Variants in ATP7A observed in about 807,000 individuals in gnomAD.
ATP7A encodes copper-transporting ATPase 1.
Under a neutral mutation model 83.5 loss-of-function variants are expected in ATP7A, and 7 were observed. That is an observed-to-expected ratio of 0.08 (90% CI 0.05 to 0.16). The LOEUF (loss-of-function observed/expected upper bound fraction) is 0.16, where lower values mean the gene tolerates loss of function less well. ATP7A is among the 10% of genes least tolerant of loss of function. The probability of loss-of-function intolerance (pLI) is 1.00; values close to 1 mark genes in which losing one functional copy is unlikely to be tolerated. For synonymous variants in ATP7A, 354 were observed against 395.2 expected, an observed-to-expected ratio of 0.90 and a Z score of 1.24; for missense variants, 940 against 1,120.8, an observed-to-expected ratio of 0.84 and a Z score of 2.30.
Position 77,988,552 on chromosome X carries a change from C to T in ATP7A, c.431C>T (p.Pro144Leu). 8.3e-7 allele frequency: 1 copy of T among 1,211,335 alleles called. No individual in the cohort carries two copies. Among genetic ancestry groups the T allele is most frequent in the East Asian group, 3.0e-5 (1 of 33,831 alleles). The change falls in exon 3 of 23, where the codon CCA (proline) becomes CTA (leucine). Residue 144 changes from proline to leucine, a missense_variant. Transcript: ENST00000341514. ...VNANQIKELV[P>L]ELSLDTGTLE... is the part of the protein sequence containing the mutation. ...GCCAATCAGATAAAAGAGCTGGTTCCAGAACTCAGTTTAGATACTGGGACA... is the reference window on the plus strand; with the variant it reads ...GCCAATCAGATAAAAGAGCTGGTTCTAGAACTCAGTTTAGATACTGGGACA...
At position 78,011,165 on chromosome X, in the gene ATP7A, A is replaced by G; in HGVS notation, c.1870-11A>G. 1.7e-6 allele frequency: 2 copies of G among 1,201,652 alleles called. No individual in the cohort carries two copies. The highest frequency in any genetic ancestry group is 2.3e-6 in the Non-Finnish European group (2 of 886,769). On this transcript the variant is annotated splice_polypyrimidine_tract_variant and intron_variant, in intron 7 of 22. Transcript: ENST00000341514. ...TCAGTGAAATAATTTTTTTCTCATG[A>G]ATTTCCTTAGAGCTTAGGTTTTGAA...
intron 1 of ATP7A, among the ~76,000 whole-genome samples, chrX:77,926,128 T>C (rs2077240059): frequency 9.0e-6 from 1 of 110,958 alleles, no homozygotes. Context: ...GTATCTTTCA[T>C]TGAGTATCAT....
rs2078103766 is a variant in ATP7A, at chrX:78,049,858, A to G, written c.*3288A>G. On this transcript the variant is annotated 3_prime_UTR_variant, in exon 23 of 23. Coordinates refer to ENST00000341514, the MANE Select transcript of ATP7A (RefSeq NM_000052.7). Reference sequence around the variant, plus strand: ...TCATGCTTTAAAATGATTTTTCTTGATATTTATTTTACTCCATTTTGTTTT... The same window carrying G: ...TCATGCTTTAAAATGATTTTTCTTGGTATTTATTTTACTCCATTTTGTTTT... The G allele has an allele frequency of 9.0e-6, 1 of 111,409 alleles. No individual in the cohort carries two copies. The highest frequency in any genetic ancestry group is 1.9e-5 in the Non-Finnish European group (1 of 52,918). The allele number at this position is 111,409 out of a possible 1,213,427, so 9.2% of individuals were successfully genotyped here.
intron 2 of ATP7A, among the ~76,000 whole-genome samples, chrX:77,972,153 G>C (rs1557229748): frequency 9.0e-6 from 1 of 110,864 alleles, no homozygotes; most frequent in Non-Finnish European, 1.9e-5. Context: ...AAAACTTGAA[G>C]GGAAAATGTC....
intron 2 of ATP7A, among the ~76,000 whole-genome samples, chrX:77,972,214 C>T (rs975505491): frequency 2.2e-4 from 24 of 110,491 alleles, no homozygotes; most frequent in African/African-American, 7.9e-4. Context: ...TTTTTTCAGA[C>T]AGGGTCTTGC....
At chrX:77,968,948 G>A (rs1310064792) in intron 1 of ATP7A, 1 of 1,208,944 alleles carries the variant, frequency 8.3e-7, no homozygotes, top group Non-Finnish European at 1.1e-6. Flanking sequence ...CCCAGAAACT[G>A]CATGGGCTTG....
chrX:77,939,117 A>C (rs1447225116), intron 1 of ATP7A, among the ~76,000 whole-genome samples: 1 of 111,093 alleles, frequency 9.0e-6, no homozygotes, highest in African/African-American at 3.3e-5. Context: ...CCAACATGGC[A>C]AAACCCTGTC....
At chrX:77,911,418 C>T (rs782128355) in intron 1 of ATP7A, among the ~76,000 whole-genome samples, 5 of 111,688 alleles carry the variant, frequency 4.5e-5, no homozygotes, top group African/African-American at 1.3e-4. Flanking sequence ...TTATCTTAAG[C>T]ACAAACACTT....
At chrX:77,915,778 T>C (rs1432191079) in intron 1 of ATP7A, among the ~76,000 whole-genome samples, 5 of 112,130 alleles carry the variant, frequency 4.5e-5, no homozygotes, top group Admixed American at 3.8e-4. Context: ...GGAGTTGCAA[T>C]GGCACGATCT....
intron 1 of ATP7A, among the ~76,000 whole-genome samples, chrX:77,946,299 C>CAAAA (rs782508466): frequency 2.0e-5 from 1 of 49,298 alleles, no homozygotes. Context: ...GACTCTGTCT[C>CAAAA]AAAAAAAAAA....
At chrX:78,031,947 C>T (rs2077986242) in intron 16 of ATP7A, among the ~76,000 whole-genome samples, 1 of 111,882 alleles carries the variant, frequency 8.9e-6, no homozygotes, top group Non-Finnish European at 1.9e-5. Context: ...AACTGTTAAC[C>T]TATTAACAGT....
intron 2 of ATP7A, among the ~76,000 whole-genome samples, chrX:77,972,773 A>G (rs1460546861): frequency 2.7e-5 from 3 of 111,061 alleles, no homozygotes; most frequent in Non-Finnish European, 5.7e-5. Flanking sequence ...GAGTGCGGGG[A>G]TTACAGGTGT....
intron 1 of ATP7A, among the ~76,000 whole-genome samples, chrX:77,960,967 T>C (rs782593158): frequency 9.0e-5 from 10 of 111,700 alleles, no homozygotes; most frequent in Non-Finnish European, 1.7e-4. Context: ...AGATTTAAAA[T>C]GAAAACGATG....
At chrX:77,928,904 C>T (rs944514969) in intron 1 of ATP7A, among the ~76,000 whole-genome samples, 1 of 111,500 alleles carries the variant, frequency 9.0e-6, no homozygotes, top group Admixed American at 9.6e-5. Flanking sequence ...ACCCCTGCCC[C>T]CTAGTCATCA....
chrX:77,932,904 G>A (rs2077297360), intron 1 of ATP7A, among the ~76,000 whole-genome samples: 1 of 109,722 alleles, frequency 9.1e-6, no homozygotes, highest in South Asian at 3.9e-4. Flanking sequence ...GGAAAGAGAG[G>A]GAGAGGGGGA....
rs781874593 is a variant in ATP7A at position 77,998,615 on chromosome X, A to G, written c.1474A>G (p.Ile492Val). The G allele has an allele frequency of 6.6e-6, 8 of 1,210,568 alleles. No individual in the cohort carries two copies. Among genetic ancestry groups the G allele is most frequent in the Admixed American group, 4.4e-5 (2 of 45,740 alleles). The change falls in exon 5 of 23, where the codon ATA becomes GTA. Residue 492 changes from isoleucine (I) to valine (V), a missense_variant. Ile to Val is a conservative substitution (Grantham distance 29). This residue lies in a region of ATP7A where 350 missense variants were observed against 432.8 expected (regional missense o/e 0.81). Transcript: ENST00000341514. ...EEGKNSSKCY[I>V]QVTGMTCASC... Reference sequence around the variant, plus strand: ...AGGAAAGAATTCATCTAAGTGTTACATACAGGTCACTGGCATGACTTGCGC... The same window carrying G: ...AGGAAAGAATTCATCTAAGTGTTACGTACAGGTCACTGGCATGACTTGCGC...
intron 1 of ATP7A, among the ~76,000 whole-genome samples, chrX:77,943,968 G>T (rs192833988): frequency 7.7e-4 from 86 of 111,813 alleles, no homozygotes; most frequent in African/African-American, 1.6e-3. Context: ...GGTCAAGTTA[G>T]GTACACATCA....
intron 1 of ATP7A, among the ~76,000 whole-genome samples, chrX:77,916,372 G>GA (rs1296215594): frequency 2.0e-5 from 2 of 98,161 alleles, no homozygotes; most frequent in East Asian, 3.2e-4. Flanking sequence ...AAAAAAAAAA[G>GA]AAAAAAAAAG....
intron 1 of ATP7A, among the ~76,000 whole-genome samples, chrX:77,913,406 G>T (rs934000020): frequency 5.4e-5 from 6 of 111,191 alleles, no homozygotes; most frequent in Non-Finnish European, 1.1e-4. Flanking sequence ...TGGGGCCGGG[G>T]CAAGGGGGAG....
Sources: gnomAD v4.1 joint callset for allele counts (sites outside exome capture counted in the v4.1 genomes callset) on GRCh38, gnomAD v4.1.1 for gene constraint, gnomAD v4.1.1 regional missense constraint, MANE v1.5 for transcripts, NCBI Gene and HGNC (gene_info 2026-07-23, HGNC 2026-07-21) for gene names.